Variants in BAG6 observed in about 807,000 individuals in gnomAD.
BAG6 encodes the protein BAG cochaperone 6.
BAG6 carries 22 observed loss-of-function variants against 121.0 expected under a neutral mutation model. The ratio of observed to expected loss-of-function variants is 0.18; its 90% CI spans 0.13 to 0.26. BAG6 has a LOEUF of 0.26. Ranked by LOEUF, BAG6 falls within the 10% of genes least tolerant of loss-of-function variation. The probability of loss-of-function intolerance (pLI) is 1.00; values close to 1 mark genes in which losing one functional copy is unlikely to be tolerated. For missense variants in BAG6, 1,233 were observed against 1,537.7 expected (o/e 0.80, Z 3.31); for synonymous variants, 583 against 584.6 (o/e 1.00, Z 0.04).
At position 31,643,019 on chromosome 6, in the gene BAG6, G is replaced by A; in HGVS notation, c.1853C>T (p.Pro618Leu). ...GGGTGGAGGCTGGGCAGGCCCCCCA[G>A]GAGCGGGGCCAGCTGTGGTAGCTGT... ...TNTATTAGPA[P>L]GGPAQPPPTP... The change falls in exon 15 of 26, where the codon CCT (proline) becomes CTT (leucine). Residue 618 changes from proline (P) to leucine (L), a missense_variant. Physicochemically the swap from Pro to Leu is moderately conservative, Grantham distance 98 (BLOSUM62 -3). Transcript: ENST00000676615. The A allele has an allele frequency of 6.3e-7, 1 of 1,590,638 alleles. No individual in the cohort carries two copies. Among genetic ancestry groups the A allele is most frequent in the Non-Finnish European group, 8.5e-7 (1 of 1,169,820 alleles).
rs191126744 is a variant in BAG6 at position 31,644,742 on chromosome 6, G to A, written c.1370-140C>T. ...TTTCCCTCCATCTAAACAGGGAGAG[G>A]TACTCCCTTCACCACACAAACACAC... On this transcript the variant is annotated intron_variant, in intron 10 of 25. Transcript: ENST00000676615. This position sits in a 1 kb window ranked among gnomAD's most constrained non-coding sequence, Gnocchi z 4.9. 4.1e-6 allele frequency: 5 copies of A among 1,219,614 alleles called. No individual in the cohort carries two copies. The East Asian group carries it at 9.4e-5, about 23-fold the overall frequency. 75.5% of individuals were successfully genotyped at this position (1,219,614 alleles called of 1,614,324 possible). A position where few individuals can be genotyped will look rare whatever the true frequency, so the allele number is the denominator to read the frequency against.
intron 8 of BAG6, 46 bp downstream of exon 8, chr6:31,646,348 G>A: frequency 6.3e-7 from 1 of 1,592,698 alleles, no homozygotes; most frequent in South Asian, 1.1e-5. Context: ...TCTGTTTTGG[G>A]AGTACTGGGG....
chr6:31,642,080 C>G, intron 16 of BAG6, 32 bp downstream of exon 16: 1 of 1,603,710 alleles, frequency 6.2e-7, no homozygotes, highest in Non-Finnish European at 8.5e-7. Flanking sequence ...CTGCCCCTTC[C>G]TGGAGCAAGC....
Position 31,648,689 on chromosome 6 carries a change from T to C in BAG6, c.540A>G (p.Leu180=). The part of the protein sequence containing the change: ...QHMIRDIQTL[L]SRMECRGGPQ... ...CTTGCCCACTTACCTCCATCCGGGATAGTAAGGTCTGTATATCCCTGATCA... is the reference window on the plus strand; with the variant it reads ...CTTGCCCACTTACCTCCATCCGGGACAGTAAGGTCTGTATATCCCTGATCA... Residue 180 remains leucine, a synonymous_variant, in exon 6 of 26, where the codon CTA becomes CTG. Coordinates refer to ENST00000676615, the MANE Select transcript of BAG6 (RefSeq NM_001387994.1). The C allele has an allele frequency of 6.2e-7, 1 of 1,613,902 alleles. No homozygotes were observed. The highest frequency in any genetic ancestry group is 2.2e-5 in the East Asian group (1 of 44,878).
intron 2 of BAG6, 148 bp from the exon 3 acceptor site, chr6:31,649,775 C>A: frequency 1.4e-6 from 1 of 704,072 alleles, no homozygotes; most frequent in South Asian, 1.7e-5. Flanking sequence ...ACTGTGCAAA[C>A]CCTTAAACTA....
chr6:31,640,160 CT>C lies in BAG6; in HGVS notation c.3246+38del. On this transcript the variant is annotated intron_variant, in intron 24 of 25. Coordinates refer to ENST00000676615, the MANE Select transcript of BAG6 (RefSeq NM_001387994.1). This position sits in a 1 kb window ranked among gnomAD's most constrained non-coding sequence, Gnocchi z 4.2. ...TTGATTCCAGGCATGACGGGGAAAC[CT>C]GGATAGAGAGAGAGGCTTAGGGAAG... 2 of 1,594,756 alleles carry C rather than the reference CT, an allele frequency of 1.3e-6. No homozygotes were observed. Among genetic ancestry groups the C allele is most frequent in the Non-Finnish European group, 1.7e-6 (2 of 1,163,458 alleles).
rs1344865132 is a variant in BAG6 at position 31,640,088 on chromosome 6, G to C, written c.3246+111C>G. The C allele has an allele frequency of 1.8e-6, 2 of 1,101,262 alleles. No homozygotes were observed. Among genetic ancestry groups the C allele is most frequent in the Non-Finnish European group, 2.7e-6 (2 of 747,742 alleles). 68.2% of individuals were successfully genotyped at this position (1,101,262 alleles called of 1,614,324 possible). On this transcript the variant is annotated intron_variant, in intron 24 of 25. Transcript: ENST00000676615. This position sits in a 1 kb window ranked among gnomAD's most constrained non-coding sequence, Gnocchi z 4.2. ...CAGAAAAAGTTTCCTCATTAAACGA[G>C]GGGAGGGGAGACTGAATAACAAGAG...
At chr6:31,645,270 C>T in intron 9 of BAG6, 72 bp from the exon 10 acceptor site, 1 of 1,603,486 alleles carries the variant, frequency 6.2e-7, no homozygotes, top group East Asian at 2.2e-5. Context: ...TCATGATAAA[C>T]CTCTAAAGTA....
rs770374182 is a variant in BAG6 at position 31,644,785 on chromosome 6, C to G, written c.1369+161G>C. On this transcript the variant is annotated intron_variant, in intron 10 of 25. Coordinates refer to ENST00000676615, the MANE Select transcript of BAG6 (RefSeq NM_001387994.1). The surrounding 1 kb of genome is among the most constrained non-coding windows in gnomAD (Gnocchi z 4.9). Reference sequence around the variant, plus strand: ...AAACACACCTCCAAAGACAAACCAACCCCCACACCCCCCACATCTGTCTAC... The same window carrying G: ...AAACACACCTCCAAAGACAAACCAAGCCCCACACCCCCCACATCTGTCTAC... Among the ~76,000 whole-genome samples the G allele has an allele frequency of 2.6e-5, 4 of 152,138 alleles. No individual in the cohort carries two copies. The highest frequency in any genetic ancestry group is 2.9e-5 in the Non-Finnish European group (2 of 68,016).
chr6:31,641,228 T>C lies in BAG6; in HGVS notation c.2663A>G (p.Asp888Gly), dbSNP rs1274076026. ...CAGCAACCGGGCCCCAAATCCACTATCTGTGGGCAAAATACAAGGAGGGAA... is the reference window on the plus strand; with the variant it reads ...CAGCAACCGGGCCCCAAATCCACTACCTGTGGGCAAAATACAAGGAGGGAA... ...SIAAHVLHCT[D>G]SGFGARLLEL... The change falls in exon 20 of 26, where the codon GAT (aspartate) becomes GGT (glycine). Residue 888 changes from aspartate (D) to glycine (G), a missense_variant and splice_region_variant. This residue lies in a region of BAG6 where 288 missense variants were observed against 483.1 expected (regional missense o/e 0.60). Coordinates refer to ENST00000676615, the MANE Select transcript of BAG6 (RefSeq NM_001387994.1). The surrounding 1 kb of genome is among the most constrained non-coding windows in gnomAD (Gnocchi z 5.7). The C allele has an allele frequency of 1.9e-6, 3 of 1,613,978 alleles. No homozygotes were observed. The highest frequency in any genetic ancestry group is 1.7e-5 in the Admixed American group (1 of 60,008).
chr6:31,640,616 G>A lies in BAG6; in HGVS notation c.2994+29C>T. 6.2e-7 allele frequency: 1 copy of A among 1,612,758 alleles called. No individual in the cohort carries two copies. Reference sequence around the variant, plus strand: ...CCAGCCCTCCACTCCACATTATCTGGCCCCTCAACCTCCCCCTCTCTAGAG... The same window carrying A: ...CCAGCCCTCCACTCCACATTATCTGACCCCTCAACCTCCCCCTCTCTAGAG... On this transcript the variant is annotated intron_variant, in intron 22 of 25. Coordinates refer to ENST00000676615, the MANE Select transcript of BAG6 (RefSeq NM_001387994.1). The surrounding 1 kb of genome is among the most constrained non-coding windows in gnomAD (Gnocchi z 4.2).
Position 31,640,062 on chromosome 6 carries a change from C to G in BAG6, c.3246+137G>C. ...CAACAACCAAGAGCAAGTCTGAATCCCAGAAAAAGTTTCCTCATTAAACGA... is the reference window on the plus strand; with the variant it reads ...CAACAACCAAGAGCAAGTCTGAATCGCAGAAAAAGTTTCCTCATTAAACGA... On this transcript the variant is annotated intron_variant, in intron 24 of 25. Transcript: ENST00000676615. This position sits in a 1 kb window ranked among gnomAD's most constrained non-coding sequence, Gnocchi z 4.2. The G allele has an allele frequency of 1.2e-6, 1 of 842,570 alleles. No homozygotes were observed. The highest frequency in any genetic ancestry group is 1.9e-6 in the Non-Finnish European group (1 of 534,712). The allele number at this position is 842,570 out of a possible 1,614,324, so 52.2% of individuals were successfully genotyped here. A position where few individuals can be genotyped will look rare whatever the true frequency, so the allele number is the denominator to read the frequency against.
Position 31,640,657 on chromosome 6 carries a change from G to A in BAG6, c.2982C>T (p.Ser994=), listed in dbSNP as rs1472725938. 6.2e-7 allele frequency: 1 copy of A among 1,612,958 alleles called. No individual in the cohort carries two copies. Residue 994 remains serine (S), a synonymous_variant, in exon 22 of 26, where the codon TCC becomes TCT. Transcript: ENST00000676615. The surrounding 1 kb of genome is among the most constrained non-coding windows in gnomAD (Gnocchi z 4.2). ...CTCTCTAGAGTACCTGAGGCTCAGGGGAAGCTCTTTCTGCTCCCTGAACTT... is the reference window on the plus strand; with the variant it reads ...CTCTCTAGAGTACCTGAGGCTCAGGAGAAGCTCTTTCTGCTCCCTGAACTT... ...PMEVQGAERA[S]PEPQRENASP...
At chr6:31,645,865 G>A (rs1477092671) in intron 8 of BAG6, among the ~76,000 whole-genome samples, 1 of 152,196 alleles carries the variant, frequency 6.6e-6, no homozygotes, top group Admixed American at 6.5e-5. Flanking sequence ...AATTCATTCA[G>A]GGGCACAAGG....
chr6:31,641,671 G>A lies in BAG6; in HGVS notation c.2506-79C>T, dbSNP rs528798766. ...CCACCTCGACCCCAACAAGTCCAGG[G>A]CTTGTGTGGGGGCAATTGGAGCTTT... On this transcript the variant is annotated intron_variant, in intron 17 of 25. Transcript: ENST00000676615. This position sits in a 1 kb window ranked among gnomAD's most constrained non-coding sequence, Gnocchi z 5.7. 3.7e-6 allele frequency: 6 copies of A among 1,609,096 alleles called. No homozygotes were observed. In the African/African-American group the frequency reaches 8.0e-5, roughly 21 times the overall value.
At position 31,641,684 on chromosome 6, in the gene BAG6, C is replaced by A. The variant is rs762514386; in HGVS notation, c.2505+92G>T. The A allele has an allele frequency of 4.4e-4, 708 of 1,610,368 alleles. 8 individuals carry two copies. The highest frequency in any genetic ancestry group is 3.0e-3 in the Middle Eastern group (18 of 6,020). On this transcript the variant is annotated intron_variant, in intron 17 of 25. Coordinates refer to ENST00000676615, the MANE Select transcript of BAG6 (RefSeq NM_001387994.1). The surrounding 1 kb of genome is among the most constrained non-coding windows in gnomAD (Gnocchi z 5.7). ...AACAAGTCCAGGGCTTGTGTGGGGG[C>A]AATTGGAGCTTTACCTGGCAGAGAA...
At chr6:31,645,299 A>G in intron 9 of BAG6, 101 bp from the exon 10 acceptor site, 2 of 1,605,568 alleles carry the variant, frequency 1.2e-6, no homozygotes, top group Non-Finnish European at 1.7e-6. Flanking sequence ...CTTCATCACC[A>G]TGTTTCCAGT....
chr6:31,649,703 G>A, intron 2 of BAG6, 76 bp from the exon 3 acceptor site: 1 of 1,296,486 alleles, frequency 7.7e-7, no homozygotes, highest in African/African-American at 1.5e-5. Flanking sequence ...ACCGAGTTGT[G>A]GAGGTGAGGG....
In BAG6 at chr6:31,640,116, C is replaced by A. The variant is rs943882126; in HGVS notation, c.3246+83G>T. 5.1e-6 allele frequency: 7 copies of A among 1,380,586 alleles called. No homozygotes were observed. The highest frequency in any genetic ancestry group is 5.1e-6 in the Non-Finnish European group (5 of 980,630). 85.5% of individuals were successfully genotyped at this position (1,380,586 alleles called of 1,614,324 possible). ...GAGGGGAGACTGAATAACAAGAGCT[C>A]CCACCATCTCTACATAGTTTGATTC... On this transcript the variant is annotated intron_variant, in intron 24 of 25. Transcript: ENST00000676615. The surrounding 1 kb of genome is among the most constrained non-coding windows in gnomAD (Gnocchi z 4.2).
Sources: gnomAD v4.1 joint callset for allele counts (sites outside exome capture counted in the v4.1 genomes callset) on GRCh38, gnomAD v4.1.1 for gene constraint, gnomAD v4.1.1 regional missense constraint, Gnocchi (gnomAD v3.1) non-coding constraint, MANE v1.5 for transcripts, NCBI Gene and HGNC (gene_info 2026-07-23, HGNC 2026-07-21) for gene names.